The following CLYBL variants were observed in gnomAD, a reference collection of about 807,000 sequenced individuals.
CLYBL encodes citramalyl-CoA lyase, mitochondrial.
CLYBL carries 31 observed loss-of-function variants against 38.9 expected under a neutral mutation model. The observed-to-expected ratio is 0.80, with a 90% CI of 0.60 to 1.08. The LOEUF is 1.08. Among genes scored for constraint, CLYBL ranks in the 50% least tolerant of loss-of-function variants. The probability of loss-of-function intolerance (pLI) is 0.00; values close to 1 mark genes in which losing one functional copy is unlikely to be tolerated. For missense variants in CLYBL, 434 were observed against 411.6 expected (o/e 1.05, Z -0.47); for synonymous variants, 171 against 158.6 (o/e 1.08, Z -0.59).
At position 99,873,258 on chromosome 13, in the gene CLYBL, T is replaced by C. The variant is rs116758612; in HGVS notation, c.927+2196T>C. Among the ~76,000 whole-genome samples, 1,158 of 152,350 alleles carry C rather than the reference T, an allele frequency of 7.6e-3. 10 individuals carry two copies. The highest frequency in any genetic ancestry group is 0.022 in the South Asian group (107 of 4,832). ...CGGTCACAGAAATTGGATCTGCAGG[T>C]AGGTGACTCTGGATCTTGAGGGGAT... On this transcript the variant is annotated intron_variant, in intron 7 of 8. Coordinates refer to ENST00000339105, the MANE Select transcript of CLYBL (RefSeq NM_206808.5).
chr13:99,629,911 G>A (rs1174339026), intron 1 of CLYBL, among the ~76,000 whole-genome samples: 3 of 152,162 alleles, frequency 2.0e-5, no homozygotes, highest in Non-Finnish European at 4.4e-5. Context: ...CCTCTCCTTG[G>A]AGATGGTATT....
At chr13:99,670,725 A>G (rs1177763729) in intron 1 of CLYBL, among the ~76,000 whole-genome samples, 3 of 152,080 alleles carry the variant, frequency 2.0e-5, no homozygotes, top group Non-Finnish European at 4.4e-5. Context: ...TCTTAGCTAC[A>G]CCTTCCGTGG....
At chr13:99,660,387 C>T (rs2047392084) in intron 1 of CLYBL, among the ~76,000 whole-genome samples, 1 of 152,158 alleles carries the variant, frequency 6.6e-6, no homozygotes, top group Non-Finnish European at 1.5e-5. Context: ...GTGATTGATG[C>T]TTTCATGGAC....
chr13:99,645,837 A>C (rs1282657030), intron 1 of CLYBL, among the ~76,000 whole-genome samples: 1 of 152,070 alleles, frequency 6.6e-6, no homozygotes, highest in Non-Finnish European at 1.5e-5. Context: ...TTTTAACTTG[A>C]CATGATTCCA....
intron 1 of CLYBL, among the ~76,000 whole-genome samples, chr13:99,634,908 T>G (rs1049183863): frequency 1.3e-5 from 2 of 152,178 alleles, no homozygotes; most frequent in African/African-American, 4.8e-5. Flanking sequence ...TTCTTTCCAT[T>G]GCTAGGTCTT....
intron 6 of CLYBL, 37 bp downstream of exon 6, chr13:99,866,444 G>A: frequency 1.9e-6 from 3 of 1,581,420 alleles, no homozygotes; most frequent in Non-Finnish European, 2.6e-6. Context: ...GTCTAAATTA[G>A]CAAGCATTCC....
chr13:99,887,950 A>T (rs2052392104), intron 7 of CLYBL, among the ~76,000 whole-genome samples: 1 of 151,894 alleles, frequency 6.6e-6, no homozygotes, highest in Admixed American at 6.6e-5. Context: ...CTGCTTCCCA[A>T]GTTCAAGCAA....
At chr13:99,837,289 A>G (rs2050961935) in intron 2 of CLYBL, among the ~76,000 whole-genome samples, 1 of 152,110 alleles carries the variant, frequency 6.6e-6, no homozygotes, top group Admixed American at 6.5e-5. Context: ...CTATACAAAA[A>G]GTAAAGAAAA....
At chr13:99,693,759 C>T (rs1485035573) in intron 1 of CLYBL, among the ~76,000 whole-genome samples, 1 of 152,172 alleles carries the variant, frequency 6.6e-6, no homozygotes, top group Non-Finnish European at 1.5e-5. Flanking sequence ...CAGGCTTTGA[C>T]TTGGGAGCAT....
In CLYBL at chr13:99,656,334, C is replaced by A. The variant is rs115052253; in HGVS notation, c.62+49577C>A. 2.7e-3 allele frequency among the ~76,000 whole-genome samples: 406 copies of A among 152,184 alleles called. 1 individual carries two copies. The highest frequency in any genetic ancestry group is 9.5e-3 in the African/African-American group (394 of 41,512). The stretch of plus-strand genomic sequence containing the variant: ...CTCACACATTGGTGTTCAGTCGGGT[C>A]CACGGCACTTTCCACTTTGGGCTTC... On this transcript the variant is annotated intron_variant, in intron 1 of 8. Transcript: ENST00000339105.
rs553101121 is a variant in CLYBL at position 99,754,189 on chromosome 13, C to T, written c.63-18635C>T. Reference sequence around the variant, plus strand: ...CTTTGAGAGGCCAAAGTGGGCGGATCGTTTGAGCCCAGGAGTTCGAGACCA... The same window carrying T: ...CTTTGAGAGGCCAAAGTGGGCGGATTGTTTGAGCCCAGGAGTTCGAGACCA... On this transcript the variant is annotated intron_variant, in intron 1 of 8. Transcript: ENST00000339105. Among the ~76,000 whole-genome samples the T allele has an allele frequency of 1.4e-3, 203 of 148,276 alleles. 1 individual carries two copies. The highest frequency in any genetic ancestry group is 3.1e-4 in the Non-Finnish European group (21 of 67,292).
chr13:99,685,948 C>A (rs900567928), intron 1 of CLYBL, among the ~76,000 whole-genome samples: 1 of 152,066 alleles, frequency 6.6e-6, no homozygotes, highest in Non-Finnish European at 1.5e-5. Context: ...GGCGACAGAA[C>A]AAGACCCTGT....
At chr13:99,771,518 T>C (rs1288825239) in intron 1 of CLYBL, among the ~76,000 whole-genome samples, 1 of 152,210 alleles carries the variant, frequency 6.6e-6, no homozygotes, top group Admixed American at 6.5e-5. Context: ...GCATTTTCAT[T>C]TTCACCGGGC....
chr13:99,780,118 G>A (rs191439344), intron 2 of CLYBL, among the ~76,000 whole-genome samples: 29 of 152,214 alleles, frequency 1.9e-4, no homozygotes, highest in African/African-American at 6.7e-4. Flanking sequence ...ATTTGCCAAT[G>A]TCTTTAGGTA....
chr13:99,646,287 A>G (rs1390451297), intron 1 of CLYBL, among the ~76,000 whole-genome samples: 1 of 151,928 alleles, frequency 6.6e-6, no homozygotes, highest in Non-Finnish European at 1.5e-5. Flanking sequence ...GCCCCTTTTA[A>G]TTTCTAATGA....
At chr13:99,837,458 A>G (rs920582961) in intron 2 of CLYBL, among the ~76,000 whole-genome samples, 1 of 152,198 alleles carries the variant, frequency 6.6e-6, no homozygotes, top group Admixed American at 6.5e-5. Flanking sequence ...TCTCGAAAAT[A>G]AAATAAAATG....
chr13:99,631,800 T>C (rs535837605), intron 1 of CLYBL, among the ~76,000 whole-genome samples: 3 of 152,300 alleles, frequency 2.0e-5, no homozygotes, highest in African/African-American at 7.2e-5. Flanking sequence ...GGTTTCACCA[T>C]GTTGACCAGC....
chr13:99,608,847 C>CTTTTTTTTTTTTTTTTTTTTTTTT (rs57961216), intron 1 of CLYBL, among the ~76,000 whole-genome samples: 3 of 87,872 alleles, frequency 3.4e-5, no homozygotes, highest in African/African-American at 5.5e-5. Context: ...AGTGATGAGT[C>CTTTTTTTTTTTTTTTTTTTTTTTT]TTTTTTTTTT....
chr13:99,809,572 C>CT (rs1330865154), intron 2 of CLYBL, among the ~76,000 whole-genome samples: 3 of 152,258 alleles, frequency 2.0e-5, no homozygotes, highest in Non-Finnish European at 4.4e-5. Context: ...CTTTTGGCAC[C>CT]TTTCCCCTCA....
Sources: allele counts gnomAD v4.1 joint callset (sites outside exome capture counted in the v4.1 genomes callset), GRCh38; gene constraint gnomAD v4.1.1; transcripts MANE v1.5; gene names NCBI Gene and HGNC (gene_info 2026-07-23, HGNC 2026-07-21).